The following DNM3 variants were observed in gnomAD, a reference collection of about 807,000 sequenced individuals.
DNM3 encodes dynamin 3.
In DNM3, 47 loss-of-function variants were observed where a neutral mutation model predicts 101.6. That is an observed-to-expected ratio of 0.46 (90% CI 0.37 to 0.59). The LOEUF is 0.59. Ranked by LOEUF, DNM3 falls within the 20% of genes least tolerant of loss-of-function variation. The probability of loss-of-function intolerance (pLI) is 0.00; values close to 1 mark genes in which losing one functional copy is unlikely to be tolerated. For missense variants in DNM3, 849 were observed against 1,085.7 expected, an observed-to-expected ratio of 0.78 and a Z score of 3.06; for synonymous variants, 385 against 387.9, an observed-to-expected ratio of 0.99 and a Z score of 0.09.
At chr1:171,947,704 G>A (rs1459366256) in intron 2 of DNM3, among the ~76,000 whole-genome samples, 1 of 152,054 alleles carries the variant, frequency 6.6e-6, no homozygotes, top group African/African-American at 2.4e-5. Context: ...ATTTCTATAT[G>A]TTTTTACTCT....
chr1:172,222,411 G>T (rs898949180), intron 14 of DNM3, among the ~76,000 whole-genome samples: 3 of 152,130 alleles, frequency 2.0e-5, no homozygotes, highest in East Asian at 3.9e-4. Context: ...CTGGGGCTTT[G>T]CCCCTGGAAA....
At position 171,882,284 on chromosome 1, in the gene DNM3, G is replaced by A. The variant is rs947347083; in HGVS notation, c.162-39464G>A. On this transcript the variant is annotated intron_variant, in intron 1 of 20. Coordinates refer to ENST00000627582, the MANE Select transcript of DNM3 (RefSeq NM_015569.5). Reference sequence around the variant, plus strand: ...CTTGAACCTGGGAGGCGGAGGTTGCGGTGAGCCGAGATCGCGCCATTGCAC... The same window carrying A: ...CTTGAACCTGGGAGGCGGAGGTTGCAGTGAGCCGAGATCGCGCCATTGCAC... Among the ~76,000 whole-genome samples the A allele has an allele frequency of 1.5e-4, 22 of 148,522 alleles. 1 individual carries two copies. The highest frequency in any genetic ancestry group is 1.3e-3 in the South Asian group (6 of 4,732).
At chr1:172,306,738 C>A (rs2064836195) in intron 15 of DNM3, among the ~76,000 whole-genome samples, 1 of 151,964 alleles carries the variant, frequency 6.6e-6, no homozygotes, top group Non-Finnish European at 1.5e-5. Flanking sequence ...CATCTACAAC[C>A]ATCTCTTTGA....
intron 14 of DNM3, among the ~76,000 whole-genome samples, chr1:172,233,292 G>C (rs1573051241): frequency 6.6e-6 from 1 of 152,156 alleles, no homozygotes; most frequent in African/African-American, 2.4e-5. Context: ...AAATCTAGAA[G>C]AAATGGATAA....
At chr1:172,024,397 C>G (rs1234784405) in intron 4 of DNM3, among the ~76,000 whole-genome samples, 1 of 152,106 alleles carries the variant, frequency 6.6e-6, no homozygotes, top group East Asian at 1.9e-4. Flanking sequence ...TTTATATATC[C>G]TATTCAAAAA....
chr1:171,980,536 A>C (rs1474012191), intron 2 of DNM3, among the ~76,000 whole-genome samples: 1 of 152,084 alleles, frequency 6.6e-6, no homozygotes, highest in Non-Finnish European at 1.5e-5. Context: ...AGTGCTACAG[A>C]ACTCTGGAAG....
chr1:172,347,557 C>A lies in DNM3; in HGVS notation c.1893+24217C>A, dbSNP rs552834897. On this transcript the variant is annotated intron_variant, in intron 17 of 20. Transcript: ENST00000627582. Reference sequence around the variant, plus strand: ...AATTCAATTAAAAGTGTCAAGGAATCAGATTAGATATAGCTGAACAGAGAA... The same window carrying A: ...AATTCAATTAAAAGTGTCAAGGAATAAGATTAGATATAGCTGAACAGAGAA... 9.2e-5 allele frequency among the ~76,000 whole-genome samples: 14 copies of A among 152,228 alleles called. No homozygotes were observed. In the East Asian group the frequency reaches 2.7e-3, roughly 29 times the overall value.
intron 2 of DNM3, among the ~76,000 whole-genome samples, chr1:171,953,181 T>G (rs2042637316): frequency 1.3e-5 from 2 of 152,256 alleles, no homozygotes; most frequent in African/African-American, 2.4e-5. Context: ...CTTGCAGATT[T>G]ATTTCTTTCA....
At chr1:171,926,328 G>C (rs1368032631) in intron 2 of DNM3, among the ~76,000 whole-genome samples, 1 of 152,114 alleles carries the variant, frequency 6.6e-6, no homozygotes, top group African/African-American at 2.4e-5. Context: ...TAACCATATT[G>C]ATTCTTCCAA....
At chr1:171,864,589 G>A (rs1273989446) in intron 1 of DNM3, 4 of 152,204 alleles carry the variant, frequency 2.6e-5, no homozygotes, top group African/African-American at 7.2e-5. Flanking sequence ...CTTAGAAAAA[G>A]GGGCTTTCCT....
At chr1:171,993,498 C>CTTTTTTTT (rs145178902) in intron 4 of DNM3, among the ~76,000 whole-genome samples, 11 of 128,668 alleles carry the variant, frequency 8.5e-5, no homozygotes, top group African/African-American at 1.2e-4. Context: ...TTTCAAGATT[C>CTTTTTTTT]TTTTTTTTTT....
chr1:172,269,626 GA>G, intron 15 of DNM3, among the ~76,000 whole-genome samples: 1 of 152,300 alleles, frequency 6.6e-6, no homozygotes, highest in East Asian at 1.9e-4. Context: ...TAGTCACTCT[GA>G]AGAACTGGAT....
At chr1:172,029,519 C>T (rs901215931) in intron 4 of DNM3, among the ~76,000 whole-genome samples, 3 of 152,150 alleles carry the variant, frequency 2.0e-5, no homozygotes, top group African/African-American at 7.2e-5. Flanking sequence ...CTTCTCTCAC[C>T]ACTCCTATTC....
intron 9 of DNM3, 60 bp from the exon 10 acceptor site, chr1:172,048,552 G>C (rs1318969584): frequency 3.3e-6 from 5 of 1,523,562 alleles, no homozygotes; most frequent in Non-Finnish European, 4.4e-6. Flanking sequence ...TTTTTCAAAA[G>C]ATTTTTGAAT....
exon 21 of DNM3, chr1:172,418,352 AT>A (rs2071504393): frequency 7.8e-7 from 1 of 1,283,928 alleles, no homozygotes; most frequent in South Asian, 1.3e-5. Flanking sequence ...TTCCAACAAC[AT>A]GTCTATCCAT....
rs114233697 is a variant in DNM3, at chr1:171,945,545, A to G, written c.235+23724A>G. Among the ~76,000 whole-genome samples, 746 of 152,330 alleles carry G rather than the reference A, an allele frequency of 4.9e-3. 1 individual carries two copies. Among genetic ancestry groups the G allele is most frequent in the Middle Eastern group, 0.044 (13 of 294 alleles). On this transcript the variant is annotated intron_variant, in intron 2 of 20. Coordinates refer to ENST00000627582, the MANE Select transcript of DNM3 (RefSeq NM_015569.5). ...ATTTCAAAAATTTTAAATCCATTAC[A>G]TATCCTCATTCAACAATGAGGAAAT...
intron 1 of DNM3, among the ~76,000 whole-genome samples, chr1:171,858,516 T>G (rs1383033475): frequency 6.6e-6 from 1 of 152,160 alleles, no homozygotes; most frequent in Non-Finnish European, 1.5e-5. Flanking sequence ...CTGAAAAGAT[T>G]GGTCCATCCC....
chr1:172,356,414 T>C (rs776049280), intron 17 of DNM3, among the ~76,000 whole-genome samples: 5 of 151,082 alleles, frequency 3.3e-5, no homozygotes, highest in African/African-American at 9.9e-5. Context: ...TTTTGACTTA[T>C]AAAACAATCA....
chr1:172,271,322 A>T (rs2063075642), intron 15 of DNM3, among the ~76,000 whole-genome samples: 1 of 152,192 alleles, frequency 6.6e-6, no homozygotes, highest in East Asian at 1.9e-4. Context: ...GTTAGAAATT[A>T]AAAATGAGGT....
Sources: gnomAD v4.1 joint callset for allele counts (sites outside exome capture counted in the v4.1 genomes callset) on GRCh38, gnomAD v4.1.1 for gene constraint, MANE v1.5 for transcripts, NCBI Gene and HGNC (gene_info 2026-07-23, HGNC 2026-07-21) for gene names.